Variants in GALNT13 observed in about 807,000 individuals in gnomAD.
The protein encoded by GALNT13 is UDP-GalNAc:polypeptide N-acetylgalactosaminyltransferase 13.
GALNT13 carries 28 observed loss-of-function variants against 64.2 expected under a neutral mutation model. The observed-to-expected ratio is 0.44, with a 90% CI of 0.32 to 0.60. GALNT13 has a LOEUF of 0.60. Among genes scored for constraint, GALNT13 ranks in the 20% least tolerant of loss-of-function variants. The probability of loss-of-function intolerance (pLI) is 0.05; values close to 1 mark genes in which losing one functional copy is unlikely to be tolerated. For missense variants in GALNT13, 577 were observed against 669.8 expected (o/e 0.86, Z 1.53); for synonymous variants, 214 against 224.6 (o/e 0.95, Z 0.42).
the GALNT13 span, among the ~76,000 whole-genome samples, chr2:153,279,593 A>AT: frequency 1.3e-5 from 2 of 151,890 alleles, no homozygotes; most frequent in Admixed American, 6.6e-5. Context: ...TTATTGAAAG[A>AT]TTTTTTTCTT....
chr2:153,257,792 C>G, the GALNT13 span, among the ~76,000 whole-genome samples: 4 of 152,122 alleles, frequency 2.6e-5, no homozygotes, highest in African/African-American at 7.2e-5. Context: ...TGTACAAGTG[C>G]TATAAAATGT....
chr2:153,439,938 T>A, the GALNT13 span, among the ~76,000 whole-genome samples: 1 of 152,168 alleles, frequency 6.6e-6, no homozygotes, highest in East Asian at 1.9e-4. Flanking sequence ...ACTGGAGCTG[T>A]TCCTATTCGG....
At chr2:154,022,136 T>C (rs1697554710) in intron 3 of GALNT13, among the ~76,000 whole-genome samples, 3 of 152,188 alleles carry the variant, frequency 2.0e-5, no homozygotes, top group Admixed American at 2.0e-4. Context: ...TGCATCGATG[T>C]TCATCAAGGA....
At chr2:153,885,986 A>G (rs923960404) in intron 1 of GALNT13, among the ~76,000 whole-genome samples, 1 of 152,014 alleles carries the variant, frequency 6.6e-6, no homozygotes. Flanking sequence ...TTAGCTTTCT[A>G]TGGATAGAAA....
intron 2 of GALNT13, among the ~76,000 whole-genome samples, chr2:153,916,419 A>G: frequency 6.6e-6 from 1 of 151,796 alleles, no homozygotes; most frequent in East Asian, 1.9e-4. Context: ...AGCCTCCCAA[A>G]CTGCTGGGAT....
At chr2:153,144,847 A>G in the GALNT13 span, among the ~76,000 whole-genome samples, 1 of 151,040 alleles carries the variant, frequency 6.6e-6, no homozygotes, top group Non-Finnish European at 1.5e-5. Context: ...AGTTTTCTTA[A>G]CCTCTCTGAT....
chr2:154,231,220 C>T (rs1033426400), intron 4 of GALNT13, among the ~76,000 whole-genome samples: 7 of 152,058 alleles, frequency 4.6e-5, no homozygotes, highest in East Asian at 3.9e-4. Flanking sequence ...GCTATTTCCT[C>T]GGTTTCCTGG....
At chr2:153,978,440 C>T (rs1265121046) in intron 3 of GALNT13, among the ~76,000 whole-genome samples, 1 of 152,094 alleles carries the variant, frequency 6.6e-6, no homozygotes, top group Non-Finnish European at 1.5e-5. Context: ...ACCCAAATCT[C>T]AACTTGAATT....
the GALNT13 span, among the ~76,000 whole-genome samples, chr2:153,643,793 ATAT>A: frequency 6.6e-6 from 1 of 152,040 alleles, no homozygotes; most frequent in African/African-American, 2.4e-5. Flanking sequence ...TGGTGGTTTG[ATAT>A]TATAAAATCA....
At chr2:154,421,170 C>T (rs1346751999) in intron 11 of GALNT13, among the ~76,000 whole-genome samples, 1 of 151,894 alleles carries the variant, frequency 6.6e-6, no homozygotes, top group Non-Finnish European at 1.5e-5. Flanking sequence ...AAAAAGAAGA[C>T]ATCTGAAAAA....
At chr2:153,213,087 G>A in the GALNT13 span, among the ~76,000 whole-genome samples, 1 of 152,216 alleles carries the variant, frequency 6.6e-6, no homozygotes, top group African/African-American at 2.4e-5. Context: ...GTCAAGAACT[G>A]TGAAGGTCTT....
At chr2:154,172,527 G>A (rs1288700131) in intron 4 of GALNT13, among the ~76,000 whole-genome samples, 3 of 151,908 alleles carry the variant, frequency 2.0e-5, no homozygotes, top group African/African-American at 7.2e-5. Context: ...CTACTCATGA[G>A]TGAGAACACG....
chr2:153,429,919 A>G, the GALNT13 span, among the ~76,000 whole-genome samples: 11,235 of 152,220 alleles, frequency 0.074, 492 homozygotes, highest in South Asian at 0.15. Context: ...TAATTCATCA[A>G]AAATGTAAAT....
the GALNT13 span, among the ~76,000 whole-genome samples, chr2:153,857,842 G>T: frequency 6.6e-6 from 1 of 152,202 alleles, no homozygotes; most frequent in South Asian, 2.1e-4. Context: ...TTCCTCATTA[G>T]CCAAATGGGG....
intron 9 of GALNT13, among the ~76,000 whole-genome samples, chr2:154,334,164 C>T (rs954418671): frequency 6.6e-6 from 1 of 151,900 alleles, no homozygotes; most frequent in African/African-American, 2.4e-5. Flanking sequence ...ATAAGATTTT[C>T]TTTGCCTTAA....
At chr2:154,252,442 C>T (rs1318093939) in intron 7 of GALNT13, among the ~76,000 whole-genome samples, 4 of 151,686 alleles carry the variant, frequency 2.6e-5, no homozygotes, top group East Asian at 3.9e-4. Context: ...CCGCAAGCTC[C>T]GCCTCCCGGA....
At chr2:153,863,130 T>A in the GALNT13 span, among the ~76,000 whole-genome samples, 16 of 152,170 alleles carry the variant, frequency 1.1e-4, no homozygotes, top group Non-Finnish European at 2.4e-4. Context: ...AATTGAATAA[T>A]GTATTAGTTT....
chr2:154,312,290 C>T (rs915979229), intron 9 of GALNT13, among the ~76,000 whole-genome samples: 1 of 152,216 alleles, frequency 6.6e-6, no homozygotes, highest in Admixed American at 6.5e-5. Flanking sequence ...CCGGTCCCTC[C>T]GTTTGGGGTC....
chr2:153,524,855 G>A, the GALNT13 span, among the ~76,000 whole-genome samples: 4 of 152,156 alleles, frequency 2.6e-5, no homozygotes, highest in Non-Finnish European at 5.9e-5. Context: ...TTCTTGTGCT[G>A]AACTGGGTCT....
Sources: allele counts gnomAD v4.1 joint callset (sites outside exome capture counted in the v4.1 genomes callset), GRCh38; gene constraint gnomAD v4.1.1; transcripts MANE v1.5; gene names NCBI Gene and HGNC (gene_info 2026-07-23, HGNC 2026-07-21).